Variants in LIMK2 observed in about 807,000 individuals in gnomAD.
LIMK2 encodes LIM domain kinase 2.
LIMK2 carries 35 observed loss-of-function variants against 75.7 expected under a neutral mutation model. That is an observed-to-expected ratio of 0.46 (90% CI 0.35 to 0.61). The LOEUF (loss-of-function observed/expected upper bound fraction) is 0.61. Ranked by LOEUF, LIMK2 falls within the 20% of genes least tolerant of loss-of-function variation. The pLI, the probability that LIMK2 is intolerant of heterozygous loss-of-function variation, is 0.00. For synonymous variants in LIMK2, 301 were observed against 319.2 expected, an observed-to-expected ratio of 0.94 and a Z score of 0.61; for missense variants, 623 against 831.0, an observed-to-expected ratio of 0.75 and a Z score of 3.08.
At position 31,212,300 on chromosome 22, in the gene LIMK2, C is replaced by T; in HGVS notation, c.-109C>T. ...TCCCGTTCGCGCCTGGGGCTGTGGT[C>T]TTCCCGCGCCTGAGGCGGCGGCGGC... On this transcript the variant is annotated 5_prime_UTR_variant, in exon 1 of 16. Transcript: ENST00000331728. The T allele has an allele frequency of 8.3e-7, 1 of 1,204,340 alleles. No homozygotes were observed. Among genetic ancestry groups the T allele is most frequent in the Non-Finnish European group, 1.1e-6 (1 of 940,028 alleles). The allele number at this position is 1,204,340 out of a possible 1,614,324, so 74.6% of individuals were successfully genotyped here.
chr22:31,267,977 A>G (rs1354959847), intron 10 of LIMK2, 70 bp downstream of exon 10: 2 of 1,567,538 alleles, frequency 1.3e-6, no homozygotes, highest in Non-Finnish European at 8.7e-7. Context: ...TCACTACCCT[A>G]GGAGCTTAAA....
chr22:31,266,231 A>G, intron 8 of LIMK2, 99 bp downstream of exon 8: 1 of 1,205,698 alleles, frequency 8.3e-7, no homozygotes, highest in African/African-American at 1.5e-5. Flanking sequence ...CACACCATGC[A>G]GGATGCCAGG....
chr22:31,261,356 G>T (rs918712011), intron 5 of LIMK2, among the ~76,000 whole-genome samples: 1 of 152,046 alleles, frequency 6.6e-6, no homozygotes, highest in African/African-American at 2.4e-5. Flanking sequence ...GACCATCCTG[G>T]CTAACACAAT....
chr22:31,233,611 C>T (rs2048546398), intron 2 of LIMK2, among the ~76,000 whole-genome samples: 1 of 152,164 alleles, frequency 6.6e-6, no homozygotes, highest in South Asian at 2.1e-4. Flanking sequence ...GTTCTAGACC[C>T]ATATGTTGTA....
At chr22:31,239,864 C>T (rs1696008692) in intron 2 of LIMK2, among the ~76,000 whole-genome samples, 2 of 151,638 alleles carry the variant, frequency 1.3e-5, no homozygotes, top group Non-Finnish European at 2.9e-5. Flanking sequence ...ATCCAGTATG[C>T]ACCATTACCA....
intron 5 of LIMK2, among the ~76,000 whole-genome samples, chr22:31,260,323 C>T (rs763467978): frequency 6.6e-6 from 1 of 152,196 alleles, no homozygotes; most frequent in Non-Finnish European, 1.5e-5. Flanking sequence ...GGTTTCAGGT[C>T]ATGTTTGCTC....
At chr22:31,218,759 C>T (rs886816335) in intron 1 of LIMK2, among the ~76,000 whole-genome samples, 5 of 152,180 alleles carry the variant, frequency 3.3e-5, no homozygotes, top group African/African-American at 1.2e-4. Context: ...GATTTATACA[C>T]CTGACCCGCC....
chr22:31,246,757 TCAAAAAAAAAAAAA>T (rs1334944843), intron 2 of LIMK2, among the ~76,000 whole-genome samples: 6 of 44,956 alleles, frequency 1.3e-4, no homozygotes, highest in Non-Finnish European at 7.9e-5. Flanking sequence ...AGACCCTGAC[TCAAAAAAAAAAAAA>T]CAAAAAAAAA....
Position 31,267,874 on chromosome 22 carries a change from G to A in LIMK2, c.1227G>A (p.Glu409=). 6.2e-7 allele frequency: 1 copy of A among 1,609,828 alleles called. No homozygotes were observed. The highest frequency in any genetic ancestry group is 8.5e-7 in the Non-Finnish European group (1 of 1,178,126). ...TGAACCTCCTGACAGAGTACATTGA[G>A]GGGGGCACACTGAAGGACTTTCTGC... ...KKLNLLTEYI[E]GGTLKDFLRS... is the part of the protein sequence containing the mutation. The change falls in exon 10 of 16, where the codon GAG becomes GAA. Residue 409 remains glutamate, a synonymous_variant. Transcript: ENST00000331728.
chr22:31,215,043 C>A (rs1458196425), intron 1 of LIMK2, among the ~76,000 whole-genome samples: 2 of 152,160 alleles, frequency 1.3e-5, no homozygotes, highest in Non-Finnish European at 2.9e-5. Flanking sequence ...GCAGTCCACC[C>A]GCCTTGGACT....
At chr22:31,258,454 T>G in intron 3 of LIMK2, 28 bp downstream of exon 3, 1 of 1,612,978 alleles carries the variant, frequency 6.2e-7, no homozygotes, top group Non-Finnish European at 8.5e-7. Context: ...TATCTGCCCC[T>G]CTTGGTCTTC....
chr22:31,275,967 G>C (rs999785746), intron 15 of LIMK2, among the ~76,000 whole-genome samples: 1 of 152,166 alleles, frequency 6.6e-6, no homozygotes, highest in African/African-American at 2.4e-5. Flanking sequence ...TGGGCGCGAT[G>C]GCTCACACCT....
At chr22:31,216,355 T>C (rs1230133752) in intron 1 of LIMK2, among the ~76,000 whole-genome samples, 1 of 152,008 alleles carries the variant, frequency 6.6e-6, no homozygotes, top group Admixed American at 6.6e-5. Flanking sequence ...AGGCAAGGAT[T>C]GGGAGGTGGA....
intron 1 of LIMK2, among the ~76,000 whole-genome samples, chr22:31,223,972 G>T (rs2048458192): frequency 6.6e-6 from 1 of 152,220 alleles, no homozygotes; most frequent in Non-Finnish European, 1.5e-5. Context: ...CAATCTTGAA[G>T]TGCCAGGAGC....
chr22:31,261,245 G>C (rs533304733), intron 5 of LIMK2, among the ~76,000 whole-genome samples: 6 of 152,282 alleles, frequency 3.9e-5, no homozygotes, highest in Admixed American at 2.0e-4. Context: ...CAGATTGCTT[G>C]AGGTCAAGAG....
intron 2 of LIMK2, 63 bp downstream of exon 2, chr22:31,225,882 T>C: frequency 1.7e-6 from 2 of 1,205,320 alleles, no homozygotes; most frequent in Non-Finnish European, 2.4e-6. Flanking sequence ...TTTCATGTTC[T>C]GATGGAAAAC....
In LIMK2 at chr22:31,265,982, C is replaced by A; in HGVS notation, c.891C>A (p.Ser297Arg). 2 of 1,614,168 alleles carry A rather than the reference C, an allele frequency of 1.2e-6. No homozygotes were observed. The highest frequency in any genetic ancestry group is 1.7e-6 in the Non-Finnish European group (2 of 1,180,024). The change falls in exon 8 of 16, where the codon AGC becomes AGA. Residue 297 changes from serine (S) to arginine (R), a missense_variant. Ser to Arg is a moderately radical substitution (Grantham distance 110, BLOSUM62 -1). Around this residue, in one of 3 missense-constraint regions of LIMK2, gnomAD observed 514 missense variants for 661.3 expected, o/e 0.78. Transcript: ENST00000331728. Reference sequence around the variant, plus strand: ...GTATCTCCAAGTCCCCTGGCCCCAGCTCCCCAAAGGAGCCCCTGCTGTTCA... The same window carrying A: ...GTATCTCCAAGTCCCCTGGCCCCAGATCCCCAAAGGAGCCCCTGCTGTTCA... Reference protein sequence around the residue: ...SNSISKSPGPSSPKEPLLFSR... With the variant: ...SNSISKSPGPRSPKEPLLFSR...
chr22:31,213,899 T>A (rs1305269829), intron 1 of LIMK2, among the ~76,000 whole-genome samples: 1 of 150,216 alleles, frequency 6.7e-6, no homozygotes, highest in African/African-American at 2.5e-5. Flanking sequence ...CATTGCAACC[T>A]CTGCCTCCCG....
chr22:31,215,563 A>G (rs737888), intron 1 of LIMK2, among the ~76,000 whole-genome samples: 120,555 of 152,180 alleles, frequency 0.79, 48,704 homozygotes, highest in African/African-American at 0.95. Context: ...AACCAAGGTA[A>G]GACTTCTGCA....
Sources: gnomAD v4.1 joint callset for allele counts (sites outside exome capture counted in the v4.1 genomes callset) on GRCh38, gnomAD v4.1.1 for gene constraint, gnomAD v4.1.1 regional missense constraint, MANE v1.5 for transcripts, NCBI Gene and HGNC (gene_info 2026-07-23, HGNC 2026-07-21) for gene names.